The following ZNF644 variants were observed in gnomAD, a reference collection of about 807,000 sequenced individuals.
The protein encoded by ZNF644 is zinc finger protein 644.
ZNF644 carries 20 observed loss-of-function variants against 108.0 expected under a neutral mutation model. The observed-to-expected ratio is 0.19, with a 90% CI of 0.13 to 0.27. The LOEUF is 0.27. ZNF644 is among the 10% of genes least tolerant of loss of function. ZNF644 has a pLI of 1.00. For missense variants in ZNF644, 1,338 were observed against 1,548.9 expected (o/e 0.86, Z 2.29); for synonymous variants, 542 against 539.1 (o/e 1.01, Z -0.08).
rs565804297 is a variant in ZNF644, at chr1:90,956,589, G to A, written c.45-15280C>T. 2.0e-3 allele frequency among the ~76,000 whole-genome samples: 302 copies of A among 152,136 alleles called. 10 individuals carry two copies. The highest frequency in any genetic ancestry group is 6.0e-4 in the Non-Finnish European group (41 of 67,968). On this transcript the variant is annotated intron_variant, in intron 2 of 5. Transcript: ENST00000337393. ...AGCTGTAAATACCTACATTAAAAAAGAAGATGTCAAATTAGCCATCTCACT... is the reference window on the plus strand; with the variant it reads ...AGCTGTAAATACCTACATTAAAAAAAAAGATGTCAAATTAGCCATCTCACT...
In ZNF644 at chr1:90,999,673, A is replaced by T. The variant is rs143084450; in HGVS notation, c.-17-17303T>A. Among the ~76,000 whole-genome samples the T allele has an allele frequency of 3.1e-4, 47 of 152,318 alleles. 1 individual carries two copies. The East Asian group carries it at 8.9e-3, about 29-fold the overall frequency. On this transcript the variant is annotated intron_variant, in intron 1 of 5. Transcript: ENST00000337393. ...GCTAACATCATAATGACAGGCTCAAACTCGCACATAACAATATTAACCTTA... is the reference window on the plus strand; with the variant it reads ...GCTAACATCATAATGACAGGCTCAATCTCGCACATAACAATATTAACCTTA...
At chr1:90,986,037 A>C (rs1392112660) in intron 1 of ZNF644, among the ~76,000 whole-genome samples, 1 of 151,988 alleles carries the variant, frequency 6.6e-6, no homozygotes, top group Admixed American at 6.6e-5. Context: ...GATAGAAAGT[A>C]TTTTAAAATC....
At chr1:91,004,558 G>A (rs1659227162) in intron 1 of ZNF644, among the ~76,000 whole-genome samples, 1 of 152,116 alleles carries the variant, frequency 6.6e-6, no homozygotes, top group Non-Finnish European at 1.5e-5. Context: ...GAATCCATCT[G>A]AAGAAATAAG....
chr1:90,940,314 G>C lies in ZNF644; in HGVS notation c.1040C>G (p.Pro347Arg), dbSNP rs1332145581. Reference protein sequence around the residue: ...SQKYALSKVKPESTDEDLESV... With the variant: ...SQKYALSKVKRESTDEDLESV... ...TTCTAAGTCTTCATCAGTTGATTCAGGCTTCACTTTTGATAATGCATATTT... is the reference window on the plus strand; with the variant it reads ...TTCTAAGTCTTCATCAGTTGATTCACGCTTCACTTTTGATAATGCATATTT... The change falls in exon 3 of 6, where the codon CCT (proline) becomes CGT (arginine). Residue 347 changes from proline (P) to arginine (R), a missense_variant. Coordinates refer to ENST00000337393, the MANE Select transcript of ZNF644 (RefSeq NM_201269.3). 6.2e-7 allele frequency: 1 copy of C among 1,613,892 alleles called. No individual in the cohort carries two copies. The highest frequency in any genetic ancestry group is 8.5e-7 in the Non-Finnish European group (1 of 1,179,958).
At chr1:90,926,612 C>T (rs921750216) in intron 4 of ZNF644, among the ~76,000 whole-genome samples, 2 of 152,156 alleles carry the variant, frequency 1.3e-5, no homozygotes, top group African/African-American at 4.8e-5. Context: ...GTAATGAAGC[C>T]TGCCCTTCTA....
In ZNF644 at chr1:90,940,134, G is replaced by A; in HGVS notation, c.1220C>T (p.Pro407Leu). The change falls in exon 3 of 6, where the codon CCA becomes CTA. Residue 407 changes from proline to leucine, a missense_variant. This residue lies in a region of ZNF644 where 80 missense variants were observed against 183.0 expected (regional missense o/e 0.44). Transcript: ENST00000337393. ...ESPATFSTEEPSFYPCTKCNV... is the reference protein window; with the variant it reads ...ESPATFSTEELSFYPCTKCNV... ...GCACTTTGTACAGGGGTAGAATGAT[G>A]GCTCTTCGGTACTGAAAGTAGCAGG... 4 of 1,613,940 alleles carry A rather than the reference G, an allele frequency of 2.5e-6. No homozygotes were observed. Among genetic ancestry groups the A allele is most frequent in the Non-Finnish European group, 3.4e-6 (4 of 1,179,932 alleles).
At chr1:90,968,618 AAC>A (rs1655160874) in intron 2 of ZNF644, among the ~76,000 whole-genome samples, 1 of 152,168 alleles carries the variant, frequency 6.6e-6, no homozygotes, top group Non-Finnish European at 1.5e-5. Context: ...GTGTAATTTT[AAC>A]AGACAGTACA....
chr1:90,981,228 A>C (rs1656516321), intron 2 of ZNF644, among the ~76,000 whole-genome samples: 1 of 152,124 alleles, frequency 6.6e-6, no homozygotes, highest in Non-Finnish European at 1.5e-5. Context: ...ATTCCTAAAG[A>C]AAAACAGCCC....
intron 1 of ZNF644, among the ~76,000 whole-genome samples, chr1:91,014,882 T>C (rs1214398550): frequency 3.3e-5 from 5 of 152,206 alleles, no homozygotes; most frequent in Admixed American, 1.3e-4. Context: ...GTCTCCTCTC[T>C]AGACCTTCTC....
At chr1:90,974,105 C>A (rs1655767993) in intron 2 of ZNF644, among the ~76,000 whole-genome samples, 1 of 152,052 alleles carries the variant, frequency 6.6e-6, no homozygotes, top group African/African-American at 2.4e-5. Flanking sequence ...GCTAAGTCCA[C>A]CCCAGTTTAT....
At chr1:90,989,901 G>A (rs1443512357) in intron 1 of ZNF644, among the ~76,000 whole-genome samples, 1 of 152,148 alleles carries the variant, frequency 6.6e-6, no homozygotes, top group Non-Finnish European at 1.5e-5. Flanking sequence ...AGATCCAAGA[G>A]AAGGAAGAAA....
intron 1 of ZNF644, among the ~76,000 whole-genome samples, chr1:91,010,135 C>T (rs147560577): frequency 2.2e-3 from 340 of 152,192 alleles, no homozygotes; most frequent in Non-Finnish European, 4.1e-3. Flanking sequence ...TCTTTAGATC[C>T]CTCCAGCTCA....
At chr1:90,960,081 T>G (rs915304709) in intron 2 of ZNF644, among the ~76,000 whole-genome samples, 3 of 152,178 alleles carry the variant, frequency 2.0e-5, no homozygotes, top group African/African-American at 7.2e-5. Flanking sequence ...GCAGTACTTT[T>G]GTTCAAGAAC....
intron 2 of ZNF644, 98 bp downstream of exon 2, chr1:90,982,212 T>C (rs946632646): frequency 1.6e-5 from 16 of 985,718 alleles, no homozygotes; most frequent in Non-Finnish European, 2.2e-5. Context: ...ATTTAAAAAC[T>C]CTTTGGTTCT....
chr1:90,938,946 T>A lies in ZNF644; in HGVS notation c.2408A>T (p.His803Leu). 6.2e-7 allele frequency: 1 copy of A among 1,614,044 alleles called. No individual in the cohort carries two copies. The highest frequency in any genetic ancestry group is 8.5e-7 in the Non-Finnish European group (1 of 1,179,952). ...DAKRPESFKD[H>L]RRVAVKRVIK... ...TACTCTCTTTACAGCTACACGTCTG[T>A]GATCTTTGAAGCTTTCAGGCCTTTT... The change falls in exon 3 of 6, where the codon CAC becomes CTC. Residue 803 changes from histidine to leucine, a missense_variant. Physicochemically the swap from His to Leu is moderately conservative, Grantham distance 99. Transcript: ENST00000337393. The surrounding 1 kb of genome is among the most constrained non-coding windows in gnomAD (Gnocchi z 4.2).
chr1:90,949,129 T>C (rs938203505), intron 2 of ZNF644, among the ~76,000 whole-genome samples: 4 of 151,916 alleles, frequency 2.6e-5, no homozygotes, highest in Non-Finnish European at 5.9e-5. Context: ...TAATCTATAA[T>C]GAGTACTTAA....
At chr1:90,964,806 G>A (rs1436944792) in intron 2 of ZNF644, among the ~76,000 whole-genome samples, 2 of 150,850 alleles carry the variant, frequency 1.3e-5, no homozygotes, top group African/African-American at 4.9e-5. Flanking sequence ...CTTTTTTTTT[G>A]GAAAAGAGTT....
At chr1:90,971,226 C>T (rs1570466534) in intron 2 of ZNF644, among the ~76,000 whole-genome samples, 1 of 37,020 alleles carries the variant, frequency 2.7e-5, no homozygotes, top group East Asian at 4.0e-4. Context: ...GATAGTTCAT[C>T]AACATAAAAA....
At chr1:90,973,834 C>A (rs182944729) in intron 2 of ZNF644, among the ~76,000 whole-genome samples, 80 of 152,220 alleles carry the variant, frequency 5.3e-4, no homozygotes, top group Non-Finnish European at 4.9e-4. Flanking sequence ...TCATAAATAT[C>A]AAGAGAAAGT....
Sources: gnomAD v4.1 joint callset for allele counts (sites outside exome capture counted in the v4.1 genomes callset) on GRCh38, gnomAD v4.1.1 for gene constraint, gnomAD v4.1.1 regional missense constraint, Gnocchi (gnomAD v3.1) non-coding constraint, MANE v1.5 for transcripts, NCBI Gene and HGNC (gene_info 2026-07-23, HGNC 2026-07-21) for gene names.